Variants in AGO2 observed in about 807,000 individuals in gnomAD.
The protein encoded by AGO2 is protein argonaute-2.
AGO2 carries 5 observed loss-of-function variants against 102.3 expected under a neutral mutation model. The observed-to-expected ratio is 0.05, with a 90% CI of 0.03 to 0.10. AGO2 has a LOEUF of 0.10. AGO2 is among the 10% of genes least tolerant of loss of function. The probability of loss-of-function intolerance (pLI) is 1.00; values close to 1 mark genes in which losing one functional copy is unlikely to be tolerated. For missense variants in AGO2, 541 were observed against 1,183.7 expected (o/e 0.46, Z 7.97); for synonymous variants, 449 against 473.1 (o/e 0.95, Z 0.66).
intron 1 of AGO2, among the ~76,000 whole-genome samples, chr8:140,633,012 A>G (rs2074360909): frequency 6.6e-6 from 1 of 151,740 alleles, no homozygotes; most frequent in African/African-American, 2.4e-5. Context: ...TCAAGGGTTC[A>G]AGCGATTCTC....
intron 1 of AGO2, among the ~76,000 whole-genome samples, chr8:140,588,674 A>G (rs1050872454): frequency 1.3e-5 from 2 of 151,908 alleles, no homozygotes; most frequent in Non-Finnish European, 2.9e-5. Flanking sequence ...GAAGGAAGGA[A>G]GGAAAAAAGC....
Position 140,567,297 on chromosome 8 carries a change from C to T in AGO2, c.337-4663G>A, listed in dbSNP as rs1290223358. On this transcript the variant is annotated intron_variant, in intron 3 of 18. Transcript: ENST00000220592. The surrounding 1 kb of genome is among the most constrained non-coding windows in gnomAD (Gnocchi z 5.0). ...AGCTTAGGGCTGCATGGAGATTTTA[C>T]GACGGCCATCACGCCACGAGGGCAG... Among the ~76,000 whole-genome samples, 5 of 152,260 alleles carry T rather than the reference C, an allele frequency of 3.3e-5. No homozygotes were observed. The highest frequency in any genetic ancestry group is 1.3e-4 in the Admixed American group (2 of 15,290).
At chr8:140,636,145 G>C (rs2074406711), upstream of AGO2, 1 of 151,380 alleles carries the variant, frequency 6.6e-6, no homozygotes, top group East Asian at 2.0e-4. Context: ...ACAGAAACAC[G>C]GAGGTCGGGA....
At position 140,557,249 on chromosome 8, in the gene AGO2, G is replaced by A. The variant is rs767951957; in HGVS notation, c.879-13C>T. On this transcript the variant is annotated splice_polypyrimidine_tract_variant and intron_variant, in intron 7 of 18. Transcript: ENST00000220592. The surrounding 1 kb of genome is among the most constrained non-coding windows in gnomAD (Gnocchi z 5.9). ...CTGCAGCGGGAATCTGAGGAGCAAA[G>A]GGGCTGTTCAGGCCGAGGGCATCCC... 1.9e-6 allele frequency: 3 copies of A among 1,609,072 alleles called. No homozygotes were observed. The East Asian group carries it at 6.7e-5, about 36-fold the overall frequency.
At chr8:140,545,434 G>T (rs2977478) in intron 13 of AGO2, among the ~76,000 whole-genome samples, 1 of 151,936 alleles carries the variant, frequency 6.6e-6, no homozygotes, top group South Asian at 2.1e-4. Flanking sequence ...TCCGCTGCTG[G>T]TTCCTCCCTC....
chr8:140,583,552 G>T (rs577594208), intron 2 of AGO2, among the ~76,000 whole-genome samples: 1 of 152,288 alleles, frequency 6.6e-6, no homozygotes, highest in East Asian at 1.9e-4. Flanking sequence ...GCAGGCAATT[G>T]TAACACCATG....
At chr8:140,546,087 T>C (rs1489110887) in intron 13 of AGO2, among the ~76,000 whole-genome samples, 1 of 152,158 alleles carries the variant, frequency 6.6e-6, no homozygotes, top group Non-Finnish European at 1.5e-5. Flanking sequence ...ACACAGTAGG[T>C]ACTCAATAAA....
chr8:140,575,212 A>G (rs1564095571), intron 2 of AGO2, among the ~76,000 whole-genome samples: 1 of 151,692 alleles, frequency 6.6e-6, no homozygotes, highest in African/African-American at 2.4e-5. Flanking sequence ...TGCCATGCCT[A>G]CCTGGCAGCC....
intron 1 of AGO2, among the ~76,000 whole-genome samples, chr8:140,597,634 CA>C (rs975779282): frequency 3.3e-5 from 5 of 151,788 alleles, no homozygotes; most frequent in African/African-American, 1.2e-4. Context: ...TCACTCCTGT[CA>C]GCTTCAGCCT....
chr8:140,572,773 C>T (rs374720393), intron 3 of AGO2, 39 bp downstream of exon 3: 7 of 1,596,670 alleles, frequency 4.4e-6, no homozygotes, highest in African/African-American at 4.0e-5. Flanking sequence ...CTTTACTTCA[C>T]CGTATGTTAC....
At chr8:140,600,324 T>C (rs1450378250) in intron 1 of AGO2, among the ~76,000 whole-genome samples, 1 of 152,252 alleles carries the variant, frequency 6.6e-6, no homozygotes, top group African/African-American at 2.4e-5. Context: ...AGCCTTGTGT[T>C]AACTGTGGCC....
At chr8:140,542,396 T>C (rs775213534) in intron 14 of AGO2, among the ~76,000 whole-genome samples, 13 of 152,312 alleles carry the variant, frequency 8.5e-5, no homozygotes, top group Non-Finnish European at 1.5e-4. Flanking sequence ...TCCACGTCCT[T>C]TGTCCTGCCT....
At chr8:140,605,601 G>A (rs960984857) in intron 1 of AGO2, among the ~76,000 whole-genome samples, 3 of 152,196 alleles carry the variant, frequency 2.0e-5, no homozygotes, top group Admixed American at 6.5e-5. Context: ...TGCAGCTCTC[G>A]CAGGGGTGCC....
At chr8:140,537,266 T>A (rs1329119949) in intron 16 of AGO2, among the ~76,000 whole-genome samples, 1 of 152,122 alleles carries the variant, frequency 6.6e-6, no homozygotes, top group African/African-American at 2.4e-5. Context: ...AGATTCTATC[T>A]AGCTATTAGA....
chr8:140,558,321 A>G (rs1201048622), intron 7 of AGO2, among the ~76,000 whole-genome samples, 164 bp downstream of exon 7: 4 of 152,236 alleles, frequency 2.6e-5, no homozygotes, highest in Non-Finnish European at 5.9e-5. Context: ...TCTTAGGTGA[A>G]GTCTGGAATC....
At chr8:140,565,259 G>C (rs1212806384) in intron 3 of AGO2, among the ~76,000 whole-genome samples, 1 of 151,850 alleles carries the variant, frequency 6.6e-6, no homozygotes, top group African/African-American at 2.4e-5. Context: ...CTAACATGGT[G>C]AAATCCTGTC....
intron 5 of AGO2, among the ~76,000 whole-genome samples, chr8:140,560,132 G>A (rs979177420): frequency 3.3e-5 from 5 of 152,314 alleles, no homozygotes; most frequent in South Asian, 2.1e-4. Context: ...CCTCAGGCCC[G>A]CCTCAGCCCC....
At chr8:140,563,029 G>A (rs973779573) in intron 3 of AGO2, among the ~76,000 whole-genome samples, 3 of 152,004 alleles carry the variant, frequency 2.0e-5, no homozygotes, top group East Asian at 1.9e-4. Flanking sequence ...GCCCCACTCC[G>A]CTACTCAGAA....
chr8:140,539,701 G>T lies in AGO2; in HGVS notation c.2035-247C>A, dbSNP rs73360460. Reference sequence around the variant, plus strand: ...CTTCCCCTGGAGGGCCCAGGAGGTTGTGTGTGTGCAAGGGGCGCAGCCAAC... The same window carrying T: ...CTTCCCCTGGAGGGCCCAGGAGGTTTTGTGTGTGCAAGGGGCGCAGCCAAC... On this transcript the variant is annotated intron_variant, in intron 15 of 18. Transcript: ENST00000220592. The surrounding 1 kb of genome is among the most constrained non-coding windows in gnomAD (Gnocchi z 4.7). Among the ~76,000 whole-genome samples the T allele has an allele frequency of 1.3e-5, 2 of 152,176 alleles. No homozygotes were observed. Among genetic ancestry groups the T allele is most frequent in the Non-Finnish European group, 2.9e-5 (2 of 68,026 alleles).
Sources: gnomAD v4.1 joint callset for allele counts (sites outside exome capture counted in the v4.1 genomes callset) on GRCh38, gnomAD v4.1.1 for gene constraint, Gnocchi (gnomAD v3.1) non-coding constraint, MANE v1.5 for transcripts, NCBI Gene and HGNC (gene_info 2026-07-23, HGNC 2026-07-21) for gene names.